PEF1: variants seen among roughly 807,000 people sequenced by gnomAD.
PEF1 encodes the protein penta-EF-hand domain containing 1, also known as peflin.
Under a neutral mutation model 32.0 loss-of-function variants are expected in PEF1, and 17 were observed. That is an observed-to-expected ratio of 0.53 (90% CI 0.36 to 0.80). The LOEUF (loss-of-function observed/expected upper bound fraction) is 0.80. PEF1 is among the 30% of genes least tolerant of loss of function. PEF1 has a pLI of 0.00. For missense variants in PEF1, 362 were observed against 369.1 expected (o/e 0.98, Z 0.16); for synonymous variants, 130 against 139.8 (o/e 0.93, Z 0.50).
chr1:31,644,333 A>T (rs1349603733), intron 1 of PEF1: 4 of 979,370 alleles, frequency 4.1e-6, no homozygotes, highest in Non-Finnish European at 4.9e-6. Flanking sequence ...ACTTTTCTAC[A>T]CGCGAAATGG....
At chr1:31,635,110 T>C in intron 2 of PEF1, 112 bp downstream of exon 2, 1 of 1,314,270 alleles carries the variant, frequency 7.6e-7, no homozygotes, top group South Asian at 1.3e-5. Context: ...GGAAGCAAGA[T>C]GCTAAGGTGC....
chr1:31,630,992 T>A, intron 4 of PEF1, 150 bp from the exon 5 acceptor site: 1 of 705,690 alleles, frequency 1.4e-6, no homozygotes, highest in Non-Finnish European at 2.4e-6. Context: ...AGGGTCTGTC[T>A]AAGATGTCAG....
intron 1 of PEF1, among the ~76,000 whole-genome samples, chr1:31,642,211 C>T (rs59745051): frequency 0.082 from 12,510 of 152,152 alleles, 695 homozygotes; most frequent in African/African-American, 0.15. Context: ...CCAGCCTGGG[C>T]GACAGAGCAA....
In PEF1 at chr1:31,635,006, G is replaced by A. The variant is rs1360491826; in HGVS notation, c.325+216C>T. Reference sequence around the variant, plus strand: ...CCAGCTAACAGCTGCTGACATGTAAGCAAAAGAAAGTAAGCATGAGCAAGC... The same window carrying A: ...CCAGCTAACAGCTGCTGACATGTAAACAAAAGAAAGTAAGCATGAGCAAGC... On this transcript the variant is annotated intron_variant, in intron 2 of 4. Transcript: ENST00000373703. The A allele has an allele frequency of 6.9e-6, 5 of 726,544 alleles. No individual in the cohort carries two copies. The Admixed American group carries it at 1.0e-4, about 15-fold the overall frequency. The allele number at this position is 726,544 out of a possible 1,614,324, so 45.0% of individuals were successfully genotyped here.
At chr1:31,644,355 TAA>T (rs768840165) in intron 1 of PEF1, 2 of 994,614 alleles carry the variant, frequency 2.0e-6, no homozygotes, top group Non-Finnish European at 2.4e-6. Flanking sequence ...GGTGTTGAAC[TAA>T]GTCAGTGGTC....
At position 31,630,422 on chromosome 1, in the gene PEF1, C is replaced by T. The variant is rs1223571034; in HGVS notation, c.*191G>A. The T allele has an allele frequency of 6.3e-6, 4 of 631,846 alleles. No individual in the cohort carries two copies. Among genetic ancestry groups the T allele is most frequent in the Admixed American group, 2.9e-5 (1 of 35,028 alleles). 39.1% of individuals were successfully genotyped at this position (631,846 alleles called of 1,614,324 possible). A position where few individuals can be genotyped will look rare whatever the true frequency, so the allele number is the denominator to read the frequency against. On this transcript the variant is annotated 3_prime_UTR_variant, in exon 5 of 5. Transcript: ENST00000373703. Reference sequence around the variant, plus strand: ...TCCATCAGGCCCCTATCTGTGTGGCCTCAGCCCCGGTCCTCACTATTTGGT... The same window carrying T: ...TCCATCAGGCCCCTATCTGTGTGGCTTCAGCCCCGGTCCTCACTATTTGGT...
chr1:31,635,481 C>G lies in PEF1; in HGVS notation c.66G>C (p.Pro22=). 2 of 1,530,886 alleles carry G rather than the reference C, an allele frequency of 1.3e-6. No homozygotes were observed. The highest frequency in any genetic ancestry group is 8.8e-7 in the Non-Finnish European group (1 of 1,138,306). The allele number at this position is 1,530,886 out of a possible 1,614,324, so 94.8% of individuals were successfully genotyped here. The stretch of plus-strand genomic sequence containing the variant: ...TGGGGGGTCCAGGGTAGTAGCTACC[C>G]GGAGGGGCTCCTGGTGCTTGTCCTG... The part of the protein sequence containing the change: ...GAAGQAPGAP[P]GSYYPGPPNS... The change falls in exon 2 of 5, where the codon CCG becomes CCC. Residue 22 remains proline, a synonymous_variant. Coordinates refer to ENST00000373703, the MANE Select transcript of PEF1 (RefSeq NM_012392.4).
intron 1 of PEF1, among the ~76,000 whole-genome samples, chr1:31,640,897 T>A (rs916187256): frequency 2.0e-5 from 3 of 152,104 alleles, no homozygotes; most frequent in African/African-American, 7.2e-5. Context: ...AAGACAAGTT[T>A]GTACCCCAGA....
At chr1:31,636,419 G>A (rs1169403630) in intron 1 of PEF1, among the ~76,000 whole-genome samples, 1 of 152,166 alleles carries the variant, frequency 6.6e-6, no homozygotes, top group East Asian at 1.9e-4. Context: ...CGAGGCTACA[G>A]TGAGCCATGA....
intron 1 of PEF1, among the ~76,000 whole-genome samples, chr1:31,643,660 G>A (rs953113229): frequency 6.6e-6 from 1 of 152,190 alleles, no homozygotes; most frequent in Non-Finnish European, 1.5e-5. Flanking sequence ...GATAATGGAG[G>A]TCCAAACACT....
At chr1:31,630,984 GGTCT>G (rs959580982) in intron 4 of PEF1, 142 bp from the exon 5 acceptor site, 15 of 736,860 alleles carry the variant, frequency 2.0e-5, no homozygotes, top group Admixed American at 2.0e-4. Flanking sequence ...AAATCCCAAG[GGTCT>G]GTCTAAGATG....
intron 3 of PEF1, 72 bp from the exon 4 acceptor site, chr1:31,632,710 T>G (rs981719456): frequency 1.2e-4 from 186 of 1,533,748 alleles, no homozygotes; most frequent in Middle Eastern, 2.3e-4. Flanking sequence ...TCAGGACCCA[T>G]TGAGGCAGCC....
chr1:31,641,141 C>A (rs534984417), intron 1 of PEF1, among the ~76,000 whole-genome samples: 2 of 152,308 alleles, frequency 1.3e-5, no homozygotes, highest in South Asian at 4.1e-4. Flanking sequence ...ACCCACATAT[C>A]CAGCAGCCTA....
intron 4 of PEF1, among the ~76,000 whole-genome samples, chr1:31,631,274 C>G (rs1321306697): frequency 6.6e-6 from 1 of 152,238 alleles, no homozygotes. Flanking sequence ...CTTAGCCTCA[C>G]TATCCCTATC....
chr1:31,642,158 G>A lies in PEF1; in HGVS notation c.24+2683C>T, dbSNP rs969127561. Among the ~76,000 whole-genome samples the A allele has an allele frequency of 6.6e-5, 10 of 152,176 alleles. No individual in the cohort carries two copies. The South Asian group carries it at 1.2e-3, about 19-fold the overall frequency. On this transcript the variant is annotated intron_variant, in intron 1 of 4. Coordinates refer to ENST00000373703, the MANE Select transcript of PEF1 (RefSeq NM_012392.4). The stretch of plus-strand genomic sequence containing the variant: ...TGAGGCAGGAGAACTGCTTGAACCC[G>A]GGAGACGGAGGTTGCAGTGAGCCAA...
intron 2 of PEF1, among the ~76,000 whole-genome samples, chr1:31,634,078 G>A (rs956199258): frequency 2.0e-5 from 3 of 152,216 alleles, no homozygotes; most frequent in Non-Finnish European, 4.4e-5. Context: ...GCCATGGGCA[G>A]TTGTGGAGGA....
In PEF1 at chr1:31,631,148, G is replaced by A. The variant is rs531353437; in HGVS notation, c.626-306C>T. On this transcript the variant is annotated intron_variant, in intron 4 of 4. Coordinates refer to ENST00000373703, the MANE Select transcript of PEF1 (RefSeq NM_012392.4). ...GACTATCCGCAATCATCTCTGATTC[G>A]TTTGCATTCCAAAAGGAAGCCTGAG... Among the ~76,000 whole-genome samples, 29 of 152,138 alleles carry A rather than the reference G, an allele frequency of 1.9e-4. No homozygotes were observed. In the South Asian group the frequency reaches 3.3e-3, roughly 17 times the overall value.
rs185044931 is a variant in PEF1, at chr1:31,641,790, C to T, written c.24+3051G>A. ...ACTTACTCCCATTGAATACTTATCA[C>T]ATTGCCTCTTCAATCTGCATAACTG... On this transcript the variant is annotated intron_variant, in intron 1 of 4. Transcript: ENST00000373703. Among the ~76,000 whole-genome samples the T allele has an allele frequency of 3.9e-3, 587 of 152,370 alleles. 4 individuals carry two copies. Among genetic ancestry groups the T allele is most frequent in the African/African-American group, 0.014 (571 of 41,576 alleles).
rs372957064 is a variant in PEF1, at chr1:31,632,427, G to T, written c.625+68C>A. 5 of 1,609,754 alleles carry T rather than the reference G, an allele frequency of 3.1e-6. No individual in the cohort carries two copies. In the South Asian group the frequency reaches 3.3e-5, roughly 11 times the overall value. On this transcript the variant is annotated intron_variant, in intron 4 of 4. Transcript: ENST00000373703. Reference sequence around the variant, plus strand: ...GGTAACAAGAGGAAACCCCTTTGTTGTATCTTAGGGTGTAAAGAGAAGAGT... The same window carrying T: ...GGTAACAAGAGGAAACCCCTTTGTTTTATCTTAGGGTGTAAAGAGAAGAGT...
Sources: allele counts gnomAD v4.1 joint callset (sites outside exome capture counted in the v4.1 genomes callset), GRCh38; gene constraint gnomAD v4.1.1; transcripts MANE v1.5; gene names NCBI Gene and HGNC (gene_info 2026-07-23, HGNC 2026-07-21).